Variants in NRAP observed in about 807,000 individuals in gnomAD.
NRAP encodes nebulin related anchoring protein, also known as nebulin-related-anchoring protein.
In NRAP, 189 loss-of-function variants were observed where a neutral mutation model predicts 225.9. The observed-to-expected ratio is 0.84, with a 90% CI of 0.74 to 0.94. NRAP has a LOEUF of 0.94. Among genes scored for constraint, NRAP ranks in the 40% least tolerant of loss-of-function variants. The pLI is 0.00. For missense variants in NRAP, 2,176 were observed against 2,168.7 expected, an observed-to-expected ratio of 1.00 and a Z score of -0.07; for synonymous variants, 769 against 790.7, an observed-to-expected ratio of 0.97 and a Z score of 0.46.
At position 113,604,711 on chromosome 10, in the gene NRAP, C is replaced by T; in HGVS notation, c.4125G>A (p.Leu1375=). 1 of 1,614,216 alleles carries T rather than the reference C, an allele frequency of 6.2e-7. No homozygotes were observed. Among genetic ancestry groups the T allele is most frequent in the Non-Finnish European group, 8.5e-7 (1 of 1,180,038 alleles). ...HLVHAKNAQA[L]ASDHDYRTQY... ...GTGTCCTGTAGTCGTGGTCGCTGGC[C>T]AGAGCCTGGGCATTCTTGGCATGGA... Residue 1375 remains leucine, a synonymous_variant, in exon 35 of 42, where the codon CTG becomes CTA. Coordinates refer to ENST00000359988, the MANE Select transcript of NRAP (RefSeq NM_198060.4).
rs1850001118 is a variant in NRAP, at chr10:113,651,947, A to T, written c.571-40T>A. On this transcript the variant is annotated intron_variant, in intron 6 of 41. Transcript: ENST00000359988. ...GTAGAGTCAAGGGTGCACCCACCTC[A>T]CAGCCTCCTCAGTGACCTCTCCCTG... is the stretch of plus-strand genomic sequence containing the variant. 3.1e-6 allele frequency: 4 copies of T among 1,290,984 alleles called. 1 individual carries two copies. In the African/African-American group the frequency reaches 5.8e-5, roughly 19 times the overall value. 80.0% of individuals were successfully genotyped at this position (1,290,984 alleles called of 1,614,324 possible).
At position 113,605,715 on chromosome 10, in the gene NRAP, A is replaced by C. The variant is rs1237230028; in HGVS notation, c.3915+47T>G. The C allele has an allele frequency of 6.5e-6, 8 of 1,239,068 alleles. No individual in the cohort carries two copies. The South Asian group carries it at 7.3e-5, about 11-fold the overall frequency. 76.8% of individuals were successfully genotyped at this position (1,239,068 alleles called of 1,614,324 possible). ...CAGCCGTAGACATTGTTTTACATGAAGTTAACAGAAATTAGGCAAGATGGA... is the reference window on the plus strand; with the variant it reads ...CAGCCGTAGACATTGTTTTACATGACGTTAACAGAAATTAGGCAAGATGGA... On this transcript the variant is annotated intron_variant, in intron 34 of 41. Transcript: ENST00000359988.
At position 113,621,952 on chromosome 10, in the gene NRAP, T is replaced by G. The variant is rs762690590; in HGVS notation, c.2686A>C (p.Lys896Gln). 50 of 1,614,094 alleles carry G rather than the reference T, an allele frequency of 3.1e-5. No individual in the cohort carries two copies. The highest frequency in any genetic ancestry group is 4.1e-5 in the Non-Finnish European group (48 of 1,180,042). Residue 896 changes from lysine to glutamine, a missense_variant, in exon 24 of 42, where the codon AAG becomes CAG. This residue lies in a region of NRAP where 1,708 missense variants were observed against 1,695.5 expected (regional missense o/e 1.01). Transcript: ENST00000359988. ...AQHLATDVGYKTAEHHFTALP... is the reference protein window; with the variant it reads ...AQHLATDVGYQTAEHHFTALP... ...GCCGTAAAGTGATGTTCCGCTGTCT[T>G]GTAGCCTACGTCTGTGGCTAAATGC...
chr10:113,615,564 C>T (rs1419348769), intron 27 of NRAP, 148 bp downstream of exon 27: 1 of 653,852 alleles, frequency 1.5e-6, no homozygotes. Context: ...TGTGGGGCCC[C>T]TTGTTCAAAA....
At chr10:113,661,234 G>A (rs898694123) in intron 3 of NRAP, among the ~76,000 whole-genome samples, 2 of 152,182 alleles carry the variant, frequency 1.3e-5, no homozygotes, top group South Asian at 2.1e-4. Context: ...GATAATAGTA[G>A]TATCAACTTC....
At chr10:113,617,673 C>A in intron 25 of NRAP, 120 bp from the exon 26 acceptor site, 1 of 683,536 alleles carries the variant, frequency 1.5e-6, no homozygotes, top group Non-Finnish European at 2.7e-6. Flanking sequence ...TATTATTCTG[C>A]TTCCTCCATC....
intron 31 of NRAP, 37 bp from the exon 32 acceptor site, chr10:113,608,549 G>C (rs780222424): frequency 7.4e-7 from 1 of 1,347,756 alleles, no homozygotes; most frequent in African/African-American, 1.5e-5. Context: ...AGACGACTCC[G>C]TAAGGGATAA....
chr10:113,645,565 GC>G (rs1429592765), intron 11 of NRAP, among the ~76,000 whole-genome samples: 1 of 152,082 alleles, frequency 6.6e-6, no homozygotes, highest in Non-Finnish European at 1.5e-5. Flanking sequence ...TTACAGTCAT[GC>G]GCCACCACAC....
rs1849842296 is a variant in NRAP at position 113,650,012 on chromosome 10, G to A, written c.888+25C>T. ...ATGGGCCAAACATGGAAAAGAGCAGGTCAGGAGATCATTTTATCACATACC... is the reference window on the plus strand; with the variant it reads ...ATGGGCCAAACATGGAAAAGAGCAGATCAGGAGATCATTTTATCACATACC... On this transcript the variant is annotated intron_variant, in intron 9 of 41. Transcript: ENST00000359988. The A allele has an allele frequency of 2.3e-6, 3 of 1,321,824 alleles. No individual in the cohort carries two copies. In the East Asian group the frequency reaches 6.9e-5, roughly 30 times the overall value. The allele number at this position is 1,321,824 out of a possible 1,614,324, so 81.9% of individuals were successfully genotyped here.
intron 31 of NRAP, among the ~76,000 whole-genome samples, chr10:113,609,860 A>C (rs1216870319): frequency 6.6e-6 from 1 of 152,142 alleles, no homozygotes; most frequent in African/African-American, 2.4e-5. Flanking sequence ...CACAGAGAGA[A>C]TATCGCATGG....
chr10:113,610,642 A>G (rs1240356978), intron 30 of NRAP, 79 bp from the exon 31 acceptor site: 1 of 799,900 alleles, frequency 1.3e-6, no homozygotes, highest in Non-Finnish European at 2.2e-6. Flanking sequence ...CAGAGGTCTC[A>G]TGACACAGCA....
intron 9 of NRAP, among the ~76,000 whole-genome samples, chr10:113,648,437 T>TTCTCTCTCTCTCTCTCTC (rs376144953): frequency 2.6e-4 from 17 of 66,044 alleles, no homozygotes; most frequent in African/African-American, 6.4e-4. Flanking sequence ...TTATTTTAGT[T>TTCTCTCTCTCTCTCTCTC]TCTCTCTCTC....
At chr10:113,591,740 G>A (rs892661303) in intron 39 of NRAP, among the ~76,000 whole-genome samples, 21 of 152,250 alleles carry the variant, frequency 1.4e-4, no homozygotes, top group Admixed American at 1.1e-3. Flanking sequence ...CATAGATGTA[G>A]AAAATCAAGT....
intron 15 of NRAP, 77 bp from the exon 16 acceptor site, chr10:113,633,265 C>G: frequency 1.2e-6 from 1 of 807,226 alleles, no homozygotes; most frequent in Non-Finnish European, 2.2e-6. Flanking sequence ...GCTCTTTCCC[C>G]CTTAGACCCA....
Position 113,589,815 on chromosome 10 carries a change from A to AG in NRAP, c.4957-19dup. 1 of 1,611,522 alleles carries AG rather than the reference A, an allele frequency of 6.2e-7. No homozygotes were observed. The highest frequency in any genetic ancestry group is 8.5e-7 in the Non-Finnish European group (1 of 1,179,046). ...TACTTGACCTTGAGGGTAAGAGGGA[A>AG]GCAAGAGGAATATGTCAGCAGGGTT... On this transcript the variant is annotated intron_variant, in intron 40 of 41. Transcript: ENST00000359988.
chr10:113,661,644 G>A (rs1564768881), intron 3 of NRAP, among the ~76,000 whole-genome samples: 1 of 152,172 alleles, frequency 6.6e-6, no homozygotes, highest in Non-Finnish European at 1.5e-5. Flanking sequence ...AGGTGCAAGA[G>A]TTCCGTCGAT....
intron 9 of NRAP, among the ~76,000 whole-genome samples, chr10:113,647,524 G>A (rs796658479): frequency 1.5e-3 from 51 of 35,008 alleles, no homozygotes; most frequent in East Asian, 0.01. Flanking sequence ...TGTCTCCCCC[G>A]GTGGTACTGT....
In NRAP at chr10:113,612,351, C is replaced by G. The variant is rs1448553295; in HGVS notation, c.3381G>C (p.Lys1127Asn). Residue 1127 changes from lysine (K) to asparagine (N), a missense_variant, in exon 30 of 42, where the codon AAG becomes AAC. Coordinates refer to ENST00000359988, the MANE Select transcript of NRAP (RefSeq NM_198060.4). The stretch of plus-strand genomic sequence containing the variant: ...GATTGCTGGCCAGGGTCTGAGCCTT[C>G]TTGGCATGCACCAGGGCGGCCATGT... ...PLDMAALVHAKKAQTLASNQD... is the reference protein window; with the variant it reads ...PLDMAALVHANKAQTLASNQD... 2 of 1,614,082 alleles carry G rather than the reference C, an allele frequency of 1.2e-6. No homozygotes were observed. Among genetic ancestry groups the G allele is most frequent in the Non-Finnish European group, 1.7e-6 (2 of 1,180,022 alleles).
intron 25 of NRAP, among the ~76,000 whole-genome samples, chr10:113,619,619 C>CAA (rs33990694): frequency 2.1e-5 from 3 of 143,066 alleles, no homozygotes; most frequent in African/African-American, 2.6e-5. Context: ...AAAGACTCCT[C>CAA]AAAAAAAAAA....
Sources: gnomAD v4.1 joint callset for allele counts (sites outside exome capture counted in the v4.1 genomes callset) on GRCh38, gnomAD v4.1.1 for gene constraint, gnomAD v4.1.1 regional missense constraint, MANE v1.5 for transcripts, NCBI Gene and HGNC (gene_info 2026-07-23, HGNC 2026-07-21) for gene names.